TENM4: variants seen among roughly 807,000 people sequenced by gnomAD.
TENM4 encodes the protein teneurin transmembrane protein 4.
Under a neutral mutation model 243.3 loss-of-function variants are expected in TENM4, and 82 were observed. The observed-to-expected ratio is 0.34, with a 90% CI of 0.28 to 0.40. The LOEUF (loss-of-function observed/expected upper bound fraction) is 0.40. Among genes scored for constraint, TENM4 ranks in the 10% least tolerant of loss-of-function variants. TENM4 has a pLI of 1.00. For missense variants in TENM4, 3,138 were observed against 3,673.3 expected (o/e 0.85, Z 3.77); for synonymous variants, 1,412 against 1,456.3 (o/e 0.97, Z 0.69).
In TENM4 at chr11:79,357,076, A is replaced by G. The variant is rs1206973709; in HGVS notation, c.-320-59533T>C. 2.0e-5 allele frequency among the ~76,000 whole-genome samples: 3 copies of G among 152,138 alleles called. No individual in the cohort carries two copies. In the South Asian group the frequency reaches 6.2e-4, roughly 32 times the overall value. On this transcript the variant is annotated intron_variant, in intron 1 of 33. Coordinates refer to ENST00000278550, the MANE Select transcript of TENM4 (RefSeq NM_001098816.3). The stretch of plus-strand genomic sequence containing the variant: ...CTTCTTTCACTCTGCCCCCAACAAA[A>G]GGCTAGGAGACAGAGCAAATGAGGT...
chr11:78,808,536 C>G (rs1438385133), intron 14 of TENM4, among the ~76,000 whole-genome samples: 1 of 152,194 alleles, frequency 6.6e-6, no homozygotes, highest in African/African-American at 2.4e-5. Flanking sequence ...CAAGATTACA[C>G]AGTAGTATGG....
chr11:78,862,939 C>A, intron 10 of TENM4, 23 bp downstream of exon 10: 2 of 1,409,134 alleles, frequency 1.4e-6, no homozygotes, highest in South Asian at 1.6e-5. Context: ...GGACTCACAA[C>A]ACGGACAACG....
intron 2 of TENM4, among the ~76,000 whole-genome samples, chr11:79,283,160 G>C (rs763286382): frequency 1.3e-5 from 2 of 151,344 alleles, no homozygotes; most frequent in Admixed American, 1.3e-4. Context: ...CTCATTCTAT[G>C]AGACCAGCAT....
chr11:79,145,886 T>C (rs1427851110), intron 4 of TENM4, among the ~76,000 whole-genome samples: 1 of 152,146 alleles, frequency 6.6e-6, no homozygotes, highest in Non-Finnish European at 1.5e-5. Context: ...GTAAAAATGT[T>C]ATGTGCTTTT....
chr11:79,239,829 G>T (rs1478137657), intron 2 of TENM4, among the ~76,000 whole-genome samples: 2 of 152,122 alleles, frequency 1.3e-5, no homozygotes, highest in Non-Finnish European at 2.9e-5. Flanking sequence ...GGGCACTCAG[G>T]TATAAAAGAT....
intron 1 of TENM4, among the ~76,000 whole-genome samples, chr11:79,393,877 G>A (rs1385741577): frequency 6.6e-6 from 1 of 152,218 alleles, no homozygotes; most frequent in African/African-American, 2.4e-5. Context: ...GCAGATGGCT[G>A]TCTGGCTCTG....
chr11:79,291,712 CA>C (rs1428811205), intron 2 of TENM4, among the ~76,000 whole-genome samples: 4 of 152,186 alleles, frequency 2.6e-5, no homozygotes, highest in African/African-American at 9.7e-5. Context: ...CTCCAGTGTA[CA>C]GGGCCAGCCT....
intron 2 of TENM4, among the ~76,000 whole-genome samples, chr11:79,294,221 T>A (rs1001185815): frequency 1.3e-5 from 2 of 152,238 alleles, no homozygotes; most frequent in African/African-American, 4.8e-5. Context: ...CAGCTACTAA[T>A]GACCACTATG....
intron 5 of TENM4, 27 bp downstream of exon 5, chr11:79,069,695 G>A: frequency 2.0e-6 from 3 of 1,536,454 alleles, no homozygotes; most frequent in Non-Finnish European, 2.6e-6. Flanking sequence ...CTGCGCCTGA[G>A]GCCCGCCCCC....
chr11:78,827,294 T>C (rs543989640), intron 12 of TENM4, among the ~76,000 whole-genome samples: 74 of 152,182 alleles, frequency 4.9e-4, no homozygotes, highest in Admixed American at 1.2e-3. Context: ...AGGATCCAAT[T>C]GCCCTTTTCA....
At chr11:79,334,730 T>A (rs896209734) in intron 1 of TENM4, among the ~76,000 whole-genome samples, 13 of 152,220 alleles carry the variant, frequency 8.5e-5, no homozygotes, top group Non-Finnish European at 1.6e-4. Flanking sequence ...GCCAACAATC[T>A]TATGATCTTG....
At chr11:79,253,197 A>G (rs969491498) in intron 2 of TENM4, among the ~76,000 whole-genome samples, 1 of 152,234 alleles carries the variant, frequency 6.6e-6, no homozygotes, top group Non-Finnish European at 1.5e-5. Context: ...GGATGAACAG[A>G]CAAAGGAATA....
intron 2 of TENM4, among the ~76,000 whole-genome samples, chr11:79,217,262 T>C (rs1590802285): frequency 6.6e-6 from 1 of 152,260 alleles, no homozygotes; most frequent in Non-Finnish European, 1.5e-5. Flanking sequence ...GGAATTTGAA[T>C]ATAGGCCCTC....
At chr11:79,073,714 C>T (rs184248093) in intron 4 of TENM4, among the ~76,000 whole-genome samples, 2 of 152,266 alleles carry the variant, frequency 1.3e-5, no homozygotes, top group Admixed American at 1.3e-4. Context: ...CTCTGTGCTT[C>T]AGCTTTCTCA....
At chr11:78,699,409 A>C (rs912680197) in intron 28 of TENM4, among the ~76,000 whole-genome samples, 4 of 152,216 alleles carry the variant, frequency 2.6e-5, no homozygotes, top group African/African-American at 7.2e-5. Flanking sequence ...TCTGTACTTC[A>C]TATGTAAAAA....
chr11:79,147,185 T>C (rs191261718), intron 4 of TENM4, among the ~76,000 whole-genome samples: 1 of 152,182 alleles, frequency 6.6e-6, no homozygotes, highest in Admixed American at 6.5e-5. Context: ...CAAAGGCACA[T>C]ATATTTGTAG....
intron 6 of TENM4, among the ~76,000 whole-genome samples, chr11:78,938,036 A>T (rs1565134666): frequency 6.6e-6 from 1 of 152,206 alleles, no homozygotes; most frequent in Admixed American, 6.5e-5. Flanking sequence ...TCACTTCTCT[A>T]TAATCATCCT....
rs1303506101 is a variant in TENM4, at chr11:78,669,964, G to A, written c.6381C>T (p.Tyr2127=). Reference sequence around the variant, plus strand: ...TGGTGATGATCTGGTTAATGTCATAGTAAATGACACCAAACTTCCCAAACT... The same window carrying A: ...TGGTGATGATCTGGTTAATGTCATAATAAATGACACCAAACTTCCCAAACT... ...TEQFGKFGVI[Y]YDINQIITTA... The change falls in exon 32 of 34, where the codon TAC becomes TAT. Residue 2127 remains tyrosine, a synonymous_variant. Transcript: ENST00000278550. The surrounding 1 kb of genome is among the most constrained non-coding windows in gnomAD (Gnocchi z 6.4). 1.2e-6 allele frequency: 2 copies of A among 1,613,840 alleles called. No individual in the cohort carries two copies. Among genetic ancestry groups the A allele is most frequent in the Non-Finnish European group, 1.7e-6 (2 of 1,179,852 alleles).
chr11:79,066,877 G>A (rs1024486878), intron 5 of TENM4, among the ~76,000 whole-genome samples: 1 of 152,242 alleles, frequency 6.6e-6, no homozygotes, highest in African/African-American at 2.4e-5. Context: ...TGCTATGCTA[G>A]GCTGTGGTGG....
Sources: allele counts gnomAD v4.1 joint callset (sites outside exome capture counted in the v4.1 genomes callset), GRCh38; gene constraint gnomAD v4.1.1; non-coding constraint Gnocchi (gnomAD v3.1); transcripts MANE v1.5; gene names NCBI Gene and HGNC (gene_info 2026-07-23, HGNC 2026-07-21).